The following VPS37A variants were observed in gnomAD, a reference collection of about 807,000 sequenced individuals.
VPS37A encodes VPS37A subunit of ESCRT-I, also known as vacuolar protein sorting-associated protein 37A.
In VPS37A, 30 loss-of-function variants were observed where a neutral mutation model predicts 49.8. The ratio of observed to expected loss-of-function variants is 0.60; its 90% CI spans 0.45 to 0.82. The LOEUF (loss-of-function observed/expected upper bound fraction) is 0.82. Ranked by LOEUF, VPS37A falls within the 40% of genes least tolerant of loss-of-function variation. The pLI is 0.00. For synonymous variants in VPS37A, 195 were observed against 160.6 expected (o/e 1.21, Z -1.62); for missense variants, 593 against 464.4 (o/e 1.28, Z -2.55).
intron 9 of VPS37A, among the ~76,000 whole-genome samples, 158 bp downstream of exon 9, chr8:17,280,601 A>G (rs538174437): frequency 1.3e-5 from 2 of 152,072 alleles, no homozygotes; most frequent in South Asian, 2.1e-4. Flanking sequence ...GCTCTCAGTG[A>G]TGAGGCATCA....
intron 4 of VPS37A, among the ~76,000 whole-genome samples, chr8:17,271,029 C>A (rs1813935999): frequency 6.6e-6 from 1 of 152,162 alleles, no homozygotes; most frequent in Non-Finnish European, 1.5e-5. Flanking sequence ...AAGTAGGAAG[C>A]ACACAGGAGC....
At chr8:17,281,102 T>G (rs1319903420) in intron 9 of VPS37A, among the ~76,000 whole-genome samples, 1 of 151,950 alleles carries the variant, frequency 6.6e-6, no homozygotes, top group Non-Finnish European at 1.5e-5. Context: ...AGAATATAAA[T>G]TTATAATGAA....
In VPS37A at chr8:17,268,345, G is replaced by A. The variant is rs768226120; in HGVS notation, c.288G>A (p.Val96=). The change falls in exon 3 of 12, where the codon GTG becomes GTA. Residue 96 remains valine (V), a synonymous_variant. Coordinates refer to ENST00000324849, the MANE Select transcript of VPS37A (RefSeq NM_152415.3). Reference sequence around the variant, plus strand: ...ATCACTTAATGGATAAACAAGGAGTGTATGTTACCTCTCCATTAGTAAACA... The same window carrying A: ...ATCACTTAATGGATAAACAAGGAGTATATGTTACCTCTCCATTAGTAAACA... The part of the protein sequence containing the change: ...IRHHLMDKQG[V]YVTSPLVNNF... 1.9e-6 allele frequency: 3 copies of A among 1,611,984 alleles called. No individual in the cohort carries two copies. The highest frequency in any genetic ancestry group is 8.5e-7 in the Non-Finnish European group (1 of 1,178,646).
At chr8:17,316,963 CAGT>C in the VPS37A span, among the ~76,000 whole-genome samples, 1 of 152,164 alleles carries the variant, frequency 6.6e-6, no homozygotes. Context: ...ATGCTCTCAC[CAGT>C]AGGTTGGGAA....
chr8:17,287,603 G>A lies in VPS37A; in HGVS notation c.*1176G>A, dbSNP rs368779915. On this transcript the variant is annotated intron_variant, in intron 11 of 11. Transcript: ENST00000324849. ...TGAGGCAGGAGAATGGCATGAACCT[G>A]GGAGGCAGACCTTGCAGTGAGCCGA... Among the ~76,000 whole-genome samples the A allele has an allele frequency of 4.6e-5, 7 of 152,028 alleles. No individual in the cohort carries two copies. The East Asian group carries it at 9.7e-4, about 21-fold the overall frequency.
the VPS37A span, among the ~76,000 whole-genome samples, chr8:17,313,777 A>C: frequency 6.6e-6 from 1 of 152,210 alleles, no homozygotes; most frequent in African/African-American, 2.4e-5. Context: ...TGAGGAAAAA[A>C]ATCATATAAC....
Position 17,297,407 on chromosome 8 carries a change from C to G in VPS37A, c.*2421C>G, listed in dbSNP as rs1225308577. On this transcript the variant is annotated 3_prime_UTR_variant, in exon 12 of 12. Coordinates refer to ENST00000324849, the MANE Select transcript of VPS37A (RefSeq NM_152415.3). Reference sequence around the variant, plus strand: ...ACATATATATGCTTAAATTGAAGGACAGCTCAGATTCATTTTTAGGAGAAG... The same window carrying G: ...ACATATATATGCTTAAATTGAAGGAGAGCTCAGATTCATTTTTAGGAGAAG... 4 of 152,006 alleles carry G rather than the reference C, an allele frequency of 2.6e-5. No homozygotes were observed. Among genetic ancestry groups the G allele is most frequent in the Non-Finnish European group, 5.9e-5 (4 of 67,932 alleles). The allele number at this position is 152,006 out of a possible 1,614,324, so 9.4% of individuals were successfully genotyped here.
intron 4 of VPS37A, among the ~76,000 whole-genome samples, chr8:17,269,335 C>T (rs939541151): frequency 6.6e-6 from 1 of 152,112 alleles, no homozygotes; most frequent in African/African-American, 2.4e-5. Flanking sequence ...CTGTGACTCT[C>T]AATATTGTCC....
At chr8:17,305,861 G>C, downstream of VPS37A, 1 of 1,613,602 alleles carries the variant, frequency 6.2e-7, no homozygotes, top group Non-Finnish European at 8.5e-7. Flanking sequence ...TGAACTCAAA[G>C]GCACAGGGAA....
intron 1 of VPS37A, chr8:17,247,845 C>G (rs1811462222): frequency 1.0e-5 from 7 of 686,348 alleles, no homozygotes; most frequent in South Asian, 4.7e-5. Context: ...GTGAATGCTT[C>G]TCGTCTGAGA....
chr8:17,267,167 C>T (rs979308731), intron 2 of VPS37A, among the ~76,000 whole-genome samples: 17 of 152,222 alleles, frequency 1.1e-4, no homozygotes, highest in African/African-American at 3.6e-4. Flanking sequence ...CATTTAGTGC[C>T]TTTTTTACCA....
At chr8:17,309,775 C>A in the VPS37A span, among the ~76,000 whole-genome samples, 1 of 152,292 alleles carries the variant, frequency 6.6e-6, no homozygotes, top group Non-Finnish European at 1.5e-5. Context: ...TGTGATGCTG[C>A]CTCTCAGTGT....
At chr8:17,308,442 C>A in the VPS37A span, among the ~76,000 whole-genome samples, 1 of 152,080 alleles carries the variant, frequency 6.6e-6, no homozygotes, top group Non-Finnish European at 1.5e-5. Context: ...TCCTGAAAAT[C>A]ACAGAATTAG....
the VPS37A span, among the ~76,000 whole-genome samples, chr8:17,319,429 G>C: frequency 6.6e-6 from 1 of 152,142 alleles, no homozygotes; most frequent in African/African-American, 2.4e-5. Flanking sequence ...ACATGTCAAC[G>C]CTGAAGCTCC....
At chr8:17,302,141 A>G, downstream of VPS37A, 2 of 1,614,034 alleles carry the variant, frequency 1.2e-6, no homozygotes, top group Non-Finnish European at 1.7e-6. Flanking sequence ...TTAACAAAGC[A>G]AGTATGTCTT....
intron 2 of VPS37A, among the ~76,000 whole-genome samples, chr8:17,267,859 A>G (rs1310810620): frequency 6.6e-6 from 1 of 152,180 alleles, no homozygotes; most frequent in Non-Finnish European, 1.5e-5. Context: ...AAAACCACAG[A>G]AAATTATATG....
rs1164122585 is a variant in VPS37A at position 17,247,900 on chromosome 8, C to G, written c.125+531C>G. On this transcript the variant is annotated intron_variant, in intron 1 of 11. Coordinates refer to ENST00000324849, the MANE Select transcript of VPS37A (RefSeq NM_152415.3). ...GTCTTCTTGAGTCTCTAAGATTTAC[C>G]CTGTTGGAGCAGTCTCTCCCCATCT... 6 of 635,138 alleles carry G rather than the reference C, an allele frequency of 9.4e-6. No individual in the cohort carries two copies. In the East Asian group the frequency reaches 1.6e-4, roughly 17 times the overall value. 39.3% of individuals were successfully genotyped at this position (635,138 alleles called of 1,614,324 possible).
intron 1 of VPS37A, among the ~76,000 whole-genome samples, chr8:17,257,912 G>A (rs1159231949): frequency 6.6e-6 from 1 of 152,052 alleles, no homozygotes; most frequent in South Asian, 2.1e-4. Context: ...ATTGTAACTA[G>A]GATTACTTTT....
At chr8:17,299,860 C>G, downstream of VPS37A, 1 of 1,613,812 alleles carries the variant, frequency 6.2e-7, no homozygotes. Flanking sequence ...CAAAGGGAAA[C>G]TTCAGGCAGT....
Sources: gnomAD v4.1 joint callset for allele counts (sites outside exome capture counted in the v4.1 genomes callset) on GRCh38, gnomAD v4.1.1 for gene constraint, MANE v1.5 for transcripts, NCBI Gene and HGNC (gene_info 2026-07-23, HGNC 2026-07-21) for gene names.